DLGAP2: variants seen among roughly 807,000 people sequenced by gnomAD.
DLGAP2 encodes the protein disks large-associated protein 2.
In DLGAP2, 26 loss-of-function variants were observed where a neutral mutation model predicts 100.3. The observed-to-expected ratio is 0.26, with a 90% CI of 0.19 to 0.36. DLGAP2 has a LOEUF of 0.36. Ranked by LOEUF, DLGAP2 falls within the 10% of genes least tolerant of loss-of-function variation. DLGAP2 has a pLI of 1.00. For missense variants in DLGAP2, 1,858 were observed against 1,453.2 expected (o/e 1.28, Z -4.53); for synonymous variants, 886 against 630.1 (o/e 1.41, Z -6.08).
intron 2 of DLGAP2, among the ~76,000 whole-genome samples, chr8:1,153,210 C>A (rs934415294): frequency 6.6e-6 from 1 of 152,110 alleles, no homozygotes. Flanking sequence ...TGGTTGGTTC[C>A]TCATGGTCTG....
At chr8:1,124,823 C>T (rs1585083109) in intron 2 of DLGAP2, among the ~76,000 whole-genome samples, 1 of 152,200 alleles carries the variant, frequency 6.6e-6, no homozygotes, top group Admixed American at 6.5e-5. Context: ...GGGTAGAAGC[C>T]AGTCTGCAGG....
chr8:906,931 T>C (rs1300089366), intron 1 of DLGAP2, among the ~76,000 whole-genome samples: 7 of 152,348 alleles, frequency 4.6e-5, no homozygotes, highest in Admixed American at 4.6e-4. Context: ...AGAGAATTGT[T>C]CTTTTTTCAA....
intron 2 of DLGAP2, among the ~76,000 whole-genome samples, chr8:967,335 A>G (rs1260245963): frequency 6.6e-6 from 1 of 152,238 alleles, no homozygotes; most frequent in Non-Finnish European, 1.5e-5. Context: ...GAAGGTTCAG[A>G]TAAGGCATGA....
chr8:825,208 A>C (rs1346173112), intron 1 of DLGAP2, among the ~76,000 whole-genome samples: 1 of 152,162 alleles, frequency 6.6e-6, no homozygotes, highest in Admixed American at 6.5e-5. Context: ...GGATACATAC[A>C]TGCCCTGGAC....
At chr8:1,283,529 C>A (rs1471343963) in intron 3 of DLGAP2, among the ~76,000 whole-genome samples, 1 of 152,218 alleles carries the variant, frequency 6.6e-6, no homozygotes, top group Non-Finnish European at 1.5e-5. Context: ...GAAGACAGTT[C>A]CTTTCAGCCT....
chr8:1,327,867 C>T (rs774360714), intron 3 of DLGAP2, among the ~76,000 whole-genome samples: 2 of 152,068 alleles, frequency 1.3e-5, no homozygotes, highest in African/African-American at 2.4e-5. Context: ...AATAAAATGA[C>T]GTGCTTGTAA....
chr8:1,335,654 T>A (rs1285424346), intron 3 of DLGAP2, among the ~76,000 whole-genome samples: 1 of 152,076 alleles, frequency 6.6e-6, no homozygotes, highest in Admixed American at 6.5e-5. Flanking sequence ...AGGAGTTTGA[T>A]GGATGGAGGA....
chr8:779,546 G>A (rs969225047), intron 1 of DLGAP2, among the ~76,000 whole-genome samples: 15 of 150,062 alleles, frequency 1.0e-4, no homozygotes, highest in Non-Finnish European at 1.6e-4. Flanking sequence ...TCACTGCAGC[G>A]TCTGCCTCCT....
At chr8:768,015 G>A (rs1037750948) in intron 1 of DLGAP2, among the ~76,000 whole-genome samples, 2 of 152,154 alleles carry the variant, frequency 1.3e-5, no homozygotes, top group African/African-American at 2.4e-5. Context: ...TAATTTAGAG[G>A]GACATGGTGG....
intron 2 of DLGAP2, among the ~76,000 whole-genome samples, chr8:966,313 G>A (rs1025284554): frequency 9.2e-5 from 14 of 152,190 alleles, no homozygotes; most frequent in Non-Finnish European, 1.9e-4. Context: ...TTGAACACTT[G>A]ATCAGAAAGA....
chr8:1,018,251 C>G (rs1458128498), intron 2 of DLGAP2, among the ~76,000 whole-genome samples: 1 of 152,194 alleles, frequency 6.6e-6, no homozygotes, highest in Admixed American at 6.5e-5. Context: ...ATCCCAGACT[C>G]TGACACCATA....
At chr8:1,057,450 CT>C (rs1375226657) in intron 2 of DLGAP2, among the ~76,000 whole-genome samples, 12 of 152,194 alleles carry the variant, frequency 7.9e-5, no homozygotes, top group African/African-American at 2.9e-4. Flanking sequence ...CACACAAGGG[CT>C]AAGTCTTTAA....
At chr8:1,387,567 G>T (rs376863900) in intron 3 of DLGAP2, among the ~76,000 whole-genome samples, 40 of 152,334 alleles carry the variant, frequency 2.6e-4, no homozygotes, top group African/African-American at 8.9e-4. Flanking sequence ...CCACTGAACT[G>T]CACCACTGGA....
At chr8:904,569 A>AC (rs1203153332) in intron 1 of DLGAP2, among the ~76,000 whole-genome samples, 1 of 152,136 alleles carries the variant, frequency 6.6e-6, no homozygotes, top group Non-Finnish European at 1.5e-5. Context: ...GTGGTCACTG[A>AC]CCCGGGGGTG....
intron 3 of DLGAP2, among the ~76,000 whole-genome samples, chr8:1,409,475 A>G (rs1345881923): frequency 6.6e-6 from 1 of 152,250 alleles, no homozygotes; most frequent in East Asian, 1.9e-4. Context: ...GATTTCAGAA[A>G]TTCTCCAGAC....
chr8:1,676,263 A>C (rs1414991315), intron 10 of DLGAP2, among the ~76,000 whole-genome samples: 1 of 152,178 alleles, frequency 6.6e-6, no homozygotes, highest in Non-Finnish European at 1.5e-5. Flanking sequence ...GCCTGAGCTG[A>C]ACTAAGCAGT....
intron 6 of DLGAP2, among the ~76,000 whole-genome samples, chr8:1,583,394 G>A (rs545092135): frequency 5.3e-5 from 8 of 150,696 alleles, no homozygotes; most frequent in South Asian, 2.1e-4. Flanking sequence ...TCCACACAGC[G>A]TAACACCACC....
intron 2 of DLGAP2, among the ~76,000 whole-genome samples, chr8:1,211,369 A>G (rs1488542608): frequency 1.3e-5 from 2 of 152,216 alleles, no homozygotes; most frequent in African/African-American, 2.4e-5. Flanking sequence ...TTGTTTTTCC[A>G]TCAGATAGAT....
In DLGAP2 at chr8:1,472,979, G is replaced by A. The variant is rs577136198; in HGVS notation, c.107-28387G>A. Among the ~76,000 whole-genome samples the A allele has an allele frequency of 7.2e-5, 11 of 152,142 alleles. No individual in the cohort carries two copies. The South Asian group carries it at 2.1e-3, about 29-fold the overall frequency. ...CATGGACTCTTGCTTTGTCCAGGCT[G>A]GAGTGCAGTGGCTTGATCTCAGCTC... On this transcript the variant is annotated intron_variant, in intron 3 of 14. Transcript: ENST00000637795.
Sources: allele counts gnomAD v4.1 joint callset (sites outside exome capture counted in the v4.1 genomes callset), GRCh38; gene constraint gnomAD v4.1.1; transcripts MANE v1.5; gene names NCBI Gene and HGNC (gene_info 2026-07-23, HGNC 2026-07-21).